The following ST6GALNAC3 variants were observed in gnomAD, a reference collection of about 807,000 sequenced individuals.
ST6GALNAC3 encodes the protein ST6 N-acetylgalactosaminide alpha-2,6-sialyltransferase 3.
ST6GALNAC3 carries 25 observed loss-of-function variants against 32.7 expected under a neutral mutation model. The observed-to-expected ratio is 0.76, with a 90% confidence interval of 0.56 to 1.07. ST6GALNAC3 has a LOEUF of 1.07. Ranked by LOEUF, ST6GALNAC3 falls within the 50% of genes least tolerant of loss-of-function variation. The pLI, the probability that ST6GALNAC3 is intolerant of heterozygous loss-of-function variation, is 0.00. For missense variants in ST6GALNAC3, 355 were observed against 382.4 expected (o/e 0.93, Z 0.60); for synonymous variants, 129 against 133.1 (o/e 0.97, Z 0.21).
chr1:76,552,965 AT>A (rs1192090101), intron 3 of ST6GALNAC3, among the ~76,000 whole-genome samples: 1 of 152,146 alleles, frequency 6.6e-6, no homozygotes, highest in Non-Finnish European at 1.5e-5. Context: ...TTCATGAAAT[AT>A]TTTTTGGAGT....
chr1:76,502,078 A>G (rs1000740572), intron 3 of ST6GALNAC3, among the ~76,000 whole-genome samples: 3 of 152,050 alleles, frequency 2.0e-5, no homozygotes, highest in Non-Finnish European at 2.9e-5. Context: ...TCTTATCAGG[A>G]AAAAAAATAT....
At position 76,631,984 on chromosome 1, in the gene ST6GALNAC3, A is replaced by G. The variant is rs1043360921; in HGVS notation, c.*3178A>G. On this transcript the variant is annotated 3_prime_UTR_variant, in exon 5 of 5. Coordinates refer to ENST00000328299, the MANE Select transcript of ST6GALNAC3 (RefSeq NM_152996.4). The stretch of plus-strand genomic sequence containing the variant: ...GTATATGATTTTACATTGCTATCAA[A>G]CCTATCAAAGAAAAGGCAATTGGAA... 6.6e-6 allele frequency: 1 copy of G among 152,142 alleles called. No homozygotes were observed. The highest frequency in any genetic ancestry group is 1.5e-5 in the Non-Finnish European group (1 of 68,004). 9.4% of individuals were successfully genotyped at this position (152,142 alleles called of 1,614,324 possible).
chr1:76,403,414 T>C (rs1653578763), intron 2 of ST6GALNAC3, among the ~76,000 whole-genome samples: 1 of 152,104 alleles, frequency 6.6e-6, no homozygotes, highest in South Asian at 2.1e-4. Flanking sequence ...TCCCTAAGGA[T>C]TCAAATTTAT....
downstream of ST6GALNAC3, among the ~76,000 whole-genome samples, chr1:76,634,854 T>C (rs1423456841): frequency 3.0e-5 from 3 of 101,688 alleles, 1 homozygote; most frequent in East Asian, 2.2e-4. Flanking sequence ...CGCCCGCCAC[T>C]ACGCCCGGCT....
At chr1:76,419,407 A>G (rs1163196442) in intron 3 of ST6GALNAC3, among the ~76,000 whole-genome samples, 1 of 152,154 alleles carries the variant, frequency 6.6e-6, no homozygotes, top group Non-Finnish European at 1.5e-5. Flanking sequence ...CTTAAATGGG[A>G]AGCTTCATTA....
chr1:76,589,552 A>G (rs1216868428), intron 3 of ST6GALNAC3, among the ~76,000 whole-genome samples: 1 of 152,042 alleles, frequency 6.6e-6, no homozygotes, highest in Non-Finnish European at 1.5e-5. Context: ...CAGACAATGA[A>G]TGGCTTATAA....
At chr1:76,278,161 C>T (rs1438827942) in intron 1 of ST6GALNAC3, among the ~76,000 whole-genome samples, 1 of 150,846 alleles carries the variant, frequency 6.6e-6, no homozygotes, top group Non-Finnish European at 1.5e-5. Context: ...TCTTCACTGT[C>T]TTTCGTCACT....
At chr1:76,176,681 A>G (rs1439121003) in intron 1 of ST6GALNAC3, among the ~76,000 whole-genome samples, 1 of 152,214 alleles carries the variant, frequency 6.6e-6, no homozygotes, top group East Asian at 1.9e-4. Flanking sequence ...GTGAAATTAT[A>G]AAAGGAGATA....
intron 3 of ST6GALNAC3, among the ~76,000 whole-genome samples, chr1:76,486,921 G>C (rs1660159028): frequency 6.6e-6 from 1 of 152,116 alleles, no homozygotes; most frequent in African/African-American, 2.4e-5. Flanking sequence ...GGCAGGCCTG[G>C]TGGTGACAAA....
intron 1 of ST6GALNAC3, among the ~76,000 whole-genome samples, chr1:76,206,386 C>T (rs539325458): frequency 6.6e-6 from 1 of 152,282 alleles, no homozygotes; most frequent in South Asian, 2.1e-4. Context: ...CTGCTTTCCA[C>T]TTGTACAGAT....
In ST6GALNAC3 at chr1:76,632,862, A is replaced by G. The variant is rs1649367346; in HGVS notation, c.*4056A>G. On this transcript the variant is annotated 3_prime_UTR_variant, in exon 5 of 5. Coordinates refer to ENST00000328299, the MANE Select transcript of ST6GALNAC3 (RefSeq NM_152996.4). Reference sequence around the variant, plus strand: ...GTGACATGTCAAATGCAAATAATAAATTATGTTATTCAGTATCAGTTGTTT... The same window carrying G: ...GTGACATGTCAAATGCAAATAATAAGTTATGTTATTCAGTATCAGTTGTTT... The G allele has an allele frequency of 6.6e-6, 1 of 152,148 alleles. No homozygotes were observed. The highest frequency in any genetic ancestry group is 2.4e-5 in the African/African-American group (1 of 41,440). 9.4% of individuals were successfully genotyped at this position (152,148 alleles called of 1,614,324 possible). A position where few individuals can be genotyped will look rare whatever the true frequency, so the allele number is the denominator to read the frequency against.
intron 3 of ST6GALNAC3, among the ~76,000 whole-genome samples, chr1:76,472,462 C>G (rs1168744807): frequency 1.3e-5 from 2 of 152,054 alleles, no homozygotes; most frequent in African/African-American, 4.8e-5. Context: ...GTGGTGAAGG[C>G]AGAAGCCAGA....
intron 3 of ST6GALNAC3, among the ~76,000 whole-genome samples, chr1:76,626,749 CT>C (rs1432829604): frequency 1.3e-5 from 2 of 151,814 alleles, no homozygotes; most frequent in African/African-American, 4.8e-5. Context: ...ATATAGCTAC[CT>C]CCAAATCCAA....
chr1:76,383,911 T>A (rs562830072), intron 2 of ST6GALNAC3, among the ~76,000 whole-genome samples: 1 of 152,264 alleles, frequency 6.6e-6, no homozygotes, highest in South Asian at 2.1e-4. Flanking sequence ...AGAATTTAGA[T>A]GTAACAAACT....
chr1:76,503,618 AG>A (rs1410770587), intron 3 of ST6GALNAC3, among the ~76,000 whole-genome samples: 23 of 152,320 alleles, frequency 1.5e-4, no homozygotes, highest in Non-Finnish European at 3.2e-4. Flanking sequence ...GAGGAGAAGG[AG>A]CTTTGAGAAA....
In ST6GALNAC3 at chr1:76,377,023, A is replaced by G. The variant is rs192067110; in HGVS notation, c.214-34985A>G. On this transcript the variant is annotated intron_variant, in intron 2 of 4. Transcript: ENST00000328299. ...CTACTTTGTCTTACCTACAAGTTAA[A>G]TTTAAAAATAAATAAAACTAGCAAA... Among the ~76,000 whole-genome samples the G allele has an allele frequency of 2.7e-3, 417 of 152,282 alleles. 4 individuals are homozygous for G. The highest frequency in any genetic ancestry group is 4.7e-3 in the Non-Finnish European group (321 of 68,018).
intron 3 of ST6GALNAC3, among the ~76,000 whole-genome samples, chr1:76,444,507 C>T (rs1024690323): frequency 3.4e-4 from 51 of 152,142 alleles, no homozygotes; most frequent in African/African-American, 1.2e-3. Context: ...CAAATTAAAA[C>T]GTGAAAAAGA....
At chr1:76,452,036 A>G (rs548722699) in intron 3 of ST6GALNAC3, among the ~76,000 whole-genome samples, 2 of 152,108 alleles carry the variant, frequency 1.3e-5, no homozygotes, top group Non-Finnish European at 2.9e-5. Context: ...CTTGTTAAGT[A>G]TTGTGTTGGC....
chr1:76,365,874 TA>T (rs1295143206), intron 2 of ST6GALNAC3, among the ~76,000 whole-genome samples: 2 of 152,202 alleles, frequency 1.3e-5, no homozygotes, highest in Non-Finnish European at 2.9e-5. Context: ...TATACATCAA[TA>T]AACACAATCT....
Sources: allele counts gnomAD v4.1 joint callset (sites outside exome capture counted in the v4.1 genomes callset), GRCh38; gene constraint gnomAD v4.1.1; transcripts MANE v1.5; gene names NCBI Gene and HGNC (gene_info 2026-07-23, HGNC 2026-07-21).